Variants in PAFAH1B1 observed in about 807,000 individuals in gnomAD.
The protein encoded by PAFAH1B1 is platelet-activating factor acetylhydrolase IB subunit beta.
A neutral mutation model predicts 57.5 loss-of-function variants in PAFAH1B1; 2 were observed. The ratio of observed to expected loss-of-function variants is 0.03; its 90% CI spans 0.01 to 0.11. The LOEUF is 0.11. PAFAH1B1 is among the 10% of genes least tolerant of loss of function. The pLI is 1.00. For missense variants in PAFAH1B1, 257 were observed against 512.0 expected, an observed-to-expected ratio of 0.50 and a Z score of 4.81; for synonymous variants, 152 against 169.6, an observed-to-expected ratio of 0.90 and a Z score of 0.81.
intron 1 of PAFAH1B1, among the ~76,000 whole-genome samples, chr17:2,616,262 T>G (rs2068339069): frequency 6.6e-6 from 1 of 152,204 alleles, no homozygotes. Flanking sequence ...TAATAACGGT[T>G]CTATATTATA....
rs1471446334 is a variant in PAFAH1B1 at position 2,593,666 on chromosome 17, AGCGGCGGG to A, written c.-523_-516del. ...CAGCTCCTGTGACAGACGGAGCTGG[AGCGGCGGG>A]GCGGCGGCGGAGTCCGGCGGCCGGG... On this transcript the variant is annotated 5_prime_UTR_variant, in exon 1 of 11. Coordinates refer to ENST00000397195, the MANE Select transcript of PAFAH1B1 (RefSeq NM_000430.4). The A allele has an allele frequency of 7.5e-6, 2 of 267,308 alleles. No individual in the cohort carries two copies. Among genetic ancestry groups the A allele is most frequent in the Non-Finnish European group, 1.4e-5 (2 of 145,648 alleles). The allele number at this position is 267,308 out of a possible 1,614,324, so 16.6% of individuals were successfully genotyped here.
intron 2 of PAFAH1B1, among the ~76,000 whole-genome samples, chr17:2,655,682 C>G (rs2068927048): frequency 6.6e-6 from 1 of 151,700 alleles, no homozygotes; most frequent in South Asian, 2.1e-4. Flanking sequence ...AAGGGAGATT[C>G]TTTTGTAGTT....
chr17:2,660,560 A>C (rs926993099), intron 2 of PAFAH1B1, among the ~76,000 whole-genome samples: 1 of 152,170 alleles, frequency 6.6e-6, no homozygotes, highest in African/African-American at 2.4e-5. Flanking sequence ...AGCTTCATCC[A>C]TGTCGCCACA....
upstream of PAFAH1B1, chr17:2,593,620 G>GGCGCGGTGAC (rs1281530463): frequency 4.9e-6 from 1 of 205,908 alleles, no homozygotes. Context: ...GCGGCGGCGC[G>GGCGCGGTGAC]GTGACGTCAG....
At chr17:2,615,231 C>T (rs2068323127) in intron 1 of PAFAH1B1, among the ~76,000 whole-genome samples, 1 of 151,954 alleles carries the variant, frequency 6.6e-6, no homozygotes, top group South Asian at 2.1e-4. Flanking sequence ...AAATACTAAG[C>T]CATTTTATAT....
intron 2 of PAFAH1B1, among the ~76,000 whole-genome samples, chr17:2,649,033 G>A (rs2068812748): frequency 6.6e-6 from 1 of 151,770 alleles, no homozygotes; most frequent in African/African-American, 2.4e-5. Flanking sequence ...CCAACCTAAG[G>A]GAATCAACAA....
At chr17:2,648,959 A>G (rs1257977188) in intron 2 of PAFAH1B1, among the ~76,000 whole-genome samples, 1 of 152,098 alleles carries the variant, frequency 6.6e-6, no homozygotes, top group East Asian at 1.9e-4. Context: ...GTAAGGCAAC[A>G]GAAAGAATTA....
chr17:2,630,206 A>G (rs147695256), intron 1 of PAFAH1B1, among the ~76,000 whole-genome samples: 2,534 of 151,966 alleles, frequency 0.017, 75 homozygotes, highest in African/African-American at 0.058. Flanking sequence ...TGTAGGTCCT[A>G]TGTGATTTAT....
chr17:2,626,353 T>A (rs1229741883), intron 1 of PAFAH1B1, among the ~76,000 whole-genome samples: 6 of 152,136 alleles, frequency 3.9e-5, no homozygotes, highest in Non-Finnish European at 1.5e-5. Flanking sequence ...TTAAAATAAG[T>A]ATGATAACTC....
At chr17:2,678,167 C>T (rs1439562600) in intron 9 of PAFAH1B1, among the ~76,000 whole-genome samples, 2 of 151,588 alleles carry the variant, frequency 1.3e-5, no homozygotes, top group Non-Finnish European at 2.9e-5. Flanking sequence ...TTTGGGAGGC[C>T]GAGATGGGTG....
chr17:2,594,476 T>C (rs1178831705), intron 1 of PAFAH1B1, among the ~76,000 whole-genome samples: 2 of 152,166 alleles, frequency 1.3e-5, no homozygotes, highest in Non-Finnish European at 2.9e-5. Context: ...CACCCCACCC[T>C]CAGTTATCGG....
At chr17:2,603,060 C>T (rs1214071127) in intron 1 of PAFAH1B1, among the ~76,000 whole-genome samples, 1 of 152,234 alleles carries the variant, frequency 6.6e-6, no homozygotes, top group Non-Finnish European at 1.5e-5. Flanking sequence ...CTTTCTCCCT[C>T]CCCACTTTGT....
intron 1 of PAFAH1B1, among the ~76,000 whole-genome samples, chr17:2,620,701 A>C (rs1219948040): frequency 6.6e-6 from 1 of 152,114 alleles, no homozygotes; most frequent in Admixed American, 6.6e-5. Context: ...GTCTCTACTA[A>C]AAATACAAAA....
chr17:2,607,018 G>T (rs12947002), intron 1 of PAFAH1B1, among the ~76,000 whole-genome samples: 1 of 151,160 alleles, frequency 6.6e-6, no homozygotes, highest in Admixed American at 6.6e-5. Context: ...TAGAGATGGG[G>T]TTTCACCATG....
intron 2 of PAFAH1B1, among the ~76,000 whole-genome samples, chr17:2,663,749 G>A (rs927781812): frequency 1.3e-5 from 2 of 150,848 alleles, no homozygotes; most frequent in Non-Finnish European, 2.9e-5. Flanking sequence ...CCAGGCTGGA[G>A]TGCAGTGGTG....
At chr17:2,611,755 AGTT>A (rs1310769836) in intron 1 of PAFAH1B1, among the ~76,000 whole-genome samples, 1 of 152,214 alleles carries the variant, frequency 6.6e-6, no homozygotes, top group East Asian at 1.9e-4. Flanking sequence ...TGCCTACAGT[AGTT>A]GTTTAGAAAC....
Position 2,593,922 on chromosome 17 carries a change from C to T in PAFAH1B1, c.-275C>T, listed in dbSNP as rs2068053205. 2 of 374,492 alleles carry T rather than the reference C, an allele frequency of 5.3e-6. No homozygotes were observed. The highest frequency in any genetic ancestry group is 9.4e-6 in the Non-Finnish European group (2 of 211,766). 23.2% of individuals were successfully genotyped at this position (374,492 alleles called of 1,614,324 possible). On this transcript the variant is annotated 5_prime_UTR_variant, in exon 1 of 11. Coordinates refer to ENST00000397195, the MANE Select transcript of PAFAH1B1 (RefSeq NM_000430.4). ...TCCTTCCCTCCCTCCCTCCTTCCTC[C>T]CTCCCCTCTCCCTCCCCCTCCCCCG...
intron 1 of PAFAH1B1, among the ~76,000 whole-genome samples, chr17:2,627,300 C>G (rs957736909): frequency 5.3e-5 from 8 of 152,092 alleles, no homozygotes; most frequent in African/African-American, 1.9e-4. Flanking sequence ...GTTTCATTTT[C>G]CTGTATGTGG....
intron 1 of PAFAH1B1, among the ~76,000 whole-genome samples, chr17:2,604,685 C>T (rs2068186146): frequency 6.6e-6 from 1 of 152,066 alleles, no homozygotes; most frequent in Non-Finnish European, 1.5e-5. Context: ...GTGGTGCATG[C>T]CTGTAATCCC....
Sources: allele counts gnomAD v4.1 joint callset (sites outside exome capture counted in the v4.1 genomes callset), GRCh38; gene constraint gnomAD v4.1.1; transcripts MANE v1.5; gene names NCBI Gene and HGNC (gene_info 2026-07-23, HGNC 2026-07-21).